The following STRN3 variants were observed in gnomAD, a reference collection of about 807,000 sequenced individuals.
STRN3 encodes the protein striatin-3.
Under a neutral mutation model 95.6 loss-of-function variants are expected in STRN3, and 29 were observed. The ratio of observed to expected loss-of-function variants is 0.30; its 90% CI spans 0.23 to 0.41. The LOEUF is 0.41. Ranked by LOEUF, STRN3 falls within the 10% of genes least tolerant of loss-of-function variation. The pLI, the probability that STRN3 is intolerant of heterozygous loss-of-function variation, is 1.00. For missense variants in STRN3, 890 were observed against 972.1 expected (o/e 0.92, Z 1.12); for synonymous variants, 331 against 357.6 (o/e 0.93, Z 0.84).
chr14:30,904,446 C>A (rs1469005587), intron 15 of STRN3, among the ~76,000 whole-genome samples: 1 of 152,160 alleles, frequency 6.6e-6, no homozygotes, highest in East Asian at 1.9e-4. Flanking sequence ...ACAAACTGGT[C>A]ACCTTTAGAG....
intron 1 of STRN3, among the ~76,000 whole-genome samples, chr14:30,972,466 C>T (rs780278035): frequency 1.6e-4 from 24 of 152,104 alleles, no homozygotes; most frequent in African/African-American, 4.3e-4. Flanking sequence ...TCTGTAAGGG[C>T]GCACCCTTCT....
chr14:30,962,364 A>C (rs12019004), intron 1 of STRN3, among the ~76,000 whole-genome samples: 59,837 of 152,014 alleles, frequency 0.39, 12,539 homozygotes, highest in Non-Finnish European at 0.47. Context: ...TATTGAAGAA[A>C]AAAATTCACA....
At chr14:30,960,793 C>T (rs1374032043) in intron 1 of STRN3, among the ~76,000 whole-genome samples, 3 of 142,664 alleles carry the variant, frequency 2.1e-5, no homozygotes, top group African/African-American at 5.2e-5. Context: ...GGCGTGAACC[C>T]GAGAGGCGGA....
intron 1 of STRN3, among the ~76,000 whole-genome samples, chr14:30,957,236 C>T (rs1321455281): frequency 1.3e-5 from 2 of 152,004 alleles, no homozygotes; most frequent in Admixed American, 6.6e-5. Context: ...GGGTGGATCA[C>T]GAGGTCAGGA....
chr14:31,025,385 A>C (rs534053025), intron 1 of STRN3: 2 of 165,082 alleles, frequency 1.2e-5, no homozygotes, highest in Admixed American at 1.2e-4. Context: ...CCCAGGAAAG[A>C]AGCGTGGCTG....
chr14:31,000,410 G>A (rs541667874), intron 1 of STRN3, among the ~76,000 whole-genome samples: 230 of 151,332 alleles, frequency 1.5e-3, no homozygotes, highest in Middle Eastern at 3.4e-3. Context: ...TAGGAACAAA[G>A]TTCTTTTATA....
intron 1 of STRN3, among the ~76,000 whole-genome samples, chr14:30,966,193 G>C (rs1051973826): frequency 7.3e-5 from 11 of 150,374 alleles, no homozygotes; most frequent in Admixed American, 7.2e-4. Flanking sequence ...TAGCCGACAG[G>C]GGAACAACAC....
intron 3 of STRN3, among the ~76,000 whole-genome samples, chr14:30,954,218 C>T (rs764247958): frequency 1.3e-5 from 2 of 151,952 alleles, no homozygotes; most frequent in Non-Finnish European, 2.9e-5. Flanking sequence ...AAGTCTTTTG[C>T]CCATTATTCT....
chr14:30,905,353 A>G, intron 15 of STRN3, 65 bp downstream of exon 15: 1 of 1,398,758 alleles, frequency 7.1e-7, no homozygotes, highest in Non-Finnish European at 9.4e-7. Context: ...AAATTAGCTA[A>G]AAGATCACCC....
At chr14:30,968,306 AAG>A (rs1238343236) in intron 1 of STRN3, among the ~76,000 whole-genome samples, 1 of 151,826 alleles carries the variant, frequency 6.6e-6, no homozygotes, top group Non-Finnish European at 1.5e-5. Flanking sequence ...AAAAAGAAAA[AAG>A]AAATTGGGGG....
intron 4 of STRN3, among the ~76,000 whole-genome samples, chr14:30,947,910 CAAATT>C (rs1200310824): frequency 1.3e-5 from 2 of 152,028 alleles, no homozygotes; most frequent in Non-Finnish European, 2.9e-5. Flanking sequence ...GGTTCTGTGA[CAAATT>C]AAAGTATTTA....
At chr14:30,915,099 A>C (rs1896704509) in intron 9 of STRN3, among the ~76,000 whole-genome samples, 1 of 152,184 alleles carries the variant, frequency 6.6e-6, no homozygotes, top group Non-Finnish European at 1.5e-5. Flanking sequence ...ACACACTTAA[A>C]ATTCATGAGC....
At chr14:31,006,923 G>A (rs1882745273) in intron 1 of STRN3, among the ~76,000 whole-genome samples, 1 of 152,022 alleles carries the variant, frequency 6.6e-6, no homozygotes, top group Non-Finnish European at 1.5e-5. Context: ...GCTGTAGTGG[G>A]CTATAACTGC....
Position 30,981,148 on chromosome 14 carries a change from CAA to C in STRN3, c.283-24908_283-24907del, listed in dbSNP as rs144284706. On this transcript the variant is annotated intron_variant, in intron 1 of 17. Transcript: ENST00000357479. ...ACAACAAAGCAAGATCTTGTCTCTA[CAA>C]AAAAAAGTTTAAAAATTAACCAGGC... 9.5e-3 allele frequency among the ~76,000 whole-genome samples: 1,428 copies of C among 150,350 alleles called. 27 individuals are homozygous for C. Among genetic ancestry groups the C allele is most frequent in the African/African-American group, 0.032 (1,291 of 40,566 alleles).
At chr14:30,988,968 C>A (rs930814523) in intron 1 of STRN3, among the ~76,000 whole-genome samples, 1 of 152,162 alleles carries the variant, frequency 6.6e-6, no homozygotes, top group Admixed American at 6.6e-5. Flanking sequence ...GTCTTGCTCA[C>A]GGACACTGTC....
chr14:30,929,686 T>C (rs1389629536), intron 7 of STRN3, among the ~76,000 whole-genome samples: 2 of 151,944 alleles, frequency 1.3e-5, no homozygotes, highest in East Asian at 3.9e-4. Flanking sequence ...ATGAAATACA[T>C]GCGAACTACT....
intron 8 of STRN3, among the ~76,000 whole-genome samples, chr14:30,921,787 CTAAT>C (rs1397781701): frequency 1.3e-5 from 2 of 152,120 alleles, no homozygotes; most frequent in Non-Finnish European, 2.9e-5. Flanking sequence ...CCATTAAGCA[CTAAT>C]TAAATAAAAA....
chr14:30,941,544 C>G (rs1879093001), intron 5 of STRN3, among the ~76,000 whole-genome samples: 1 of 152,160 alleles, frequency 6.6e-6, no homozygotes, highest in Non-Finnish European at 1.5e-5. Flanking sequence ...GGAAAATACA[C>G]TACCATTCTT....
intron 4 of STRN3, among the ~76,000 whole-genome samples, chr14:30,949,010 G>A (rs972322998): frequency 6.6e-6 from 1 of 152,182 alleles, no homozygotes; most frequent in Admixed American, 6.5e-5. Flanking sequence ...CACTTACAGA[G>A]TGTTCTCTGA....
Sources: allele counts gnomAD v4.1 joint callset (sites outside exome capture counted in the v4.1 genomes callset), GRCh38; gene constraint gnomAD v4.1.1; transcripts MANE v1.5; gene names NCBI Gene and HGNC (gene_info 2026-07-23, HGNC 2026-07-21).